The following DAB1 variants were observed in gnomAD, a reference collection of about 807,000 sequenced individuals.
DAB1 encodes the protein disabled homolog 1.
In DAB1, 15 loss-of-function variants were observed where a neutral mutation model predicts 64.6. The ratio of observed to expected loss-of-function variants is 0.23; its 90% CI spans 0.16 to 0.36. The LOEUF is 0.36. DAB1 is among the 10% of genes least tolerant of loss of function. The pLI, the probability that DAB1 is intolerant of heterozygous loss-of-function variation, is 1.00. For missense variants in DAB1, 596 were observed against 706.7 expected (o/e 0.84, Z 1.78); for synonymous variants, 235 against 251.9 (o/e 0.93, Z 0.64).
intron 7 of DAB1, among the ~76,000 whole-genome samples, chr1:57,540,663 C>T (rs532183897): frequency 6.6e-6 from 1 of 152,296 alleles, no homozygotes; most frequent in Admixed American, 6.5e-5. Flanking sequence ...TCATTTGCAG[C>T]AACATGAGTG....
chr1:58,208,060 C>T (rs1442616303), intron 4 of DAB1, among the ~76,000 whole-genome samples: 5 of 151,732 alleles, frequency 3.3e-5, no homozygotes, highest in Non-Finnish European at 7.4e-5. Context: ...AAGTCCCTTA[C>T]AAAACCATGA....
At chr1:57,633,340 A>G (rs1244862941) in intron 7 of DAB1, among the ~76,000 whole-genome samples, 2 of 152,204 alleles carry the variant, frequency 1.3e-5, no homozygotes, top group Non-Finnish European at 2.9e-5. Context: ...AGGGTTTCTG[A>G]TTAAGTGGCT....
At position 56,995,497 on chromosome 1, in the gene DAB1, T is replaced by C. The variant is rs1308088914; in HGVS notation, c.*2647A>G. ...ATGCATCACTTGGGCATCTATCTTC[T>C]TGAAGTTCAGAGCCAGTTACATTTT... On this transcript the variant is annotated 3_prime_UTR_variant, in exon 15 of 15. Transcript: ENST00000371236. The C allele has an allele frequency of 6.6e-6, 1 of 152,230 alleles. No homozygotes were observed. The highest frequency in any genetic ancestry group is 1.5e-5 in the Non-Finnish European group (1 of 68,046). 9.4% of individuals were successfully genotyped at this position (152,230 alleles called of 1,614,324 possible).
At chr1:58,497,243 G>C (rs367686622) in intron 3 of DAB1, among the ~76,000 whole-genome samples, 2 of 152,116 alleles carry the variant, frequency 1.3e-5, no homozygotes, top group Admixed American at 6.5e-5. Context: ...AAAAGGGAGG[G>C]GGGTACTGTC....
In DAB1 at chr1:57,417,353, AT is replaced by A. The variant is rs370412643; in HGVS notation, c.-137+6576del. On this transcript the variant is annotated intron_variant, in intron 1 of 14. Coordinates refer to ENST00000371236, the MANE Select transcript of DAB1 (RefSeq NM_001365792.1). The stretch of plus-strand genomic sequence containing the variant: ...TAACGCCCACAAGCTTAGCATTCCA[AT>A]AAAGGAACACTAGGCATAAATGGGT... Among the ~76,000 whole-genome samples the A allele has an allele frequency of 1.7e-3, 261 of 152,314 alleles. 2 individuals carry two copies. The highest frequency in any genetic ancestry group is 6.0e-3 in the African/African-American group (249 of 41,580).
chr1:57,167,110 G>T (rs1227638618), intron 2 of DAB1, among the ~76,000 whole-genome samples: 1 of 152,152 alleles, frequency 6.6e-6, no homozygotes, highest in African/African-American at 2.4e-5. Context: ...TTGAGGCTGG[G>T]AATATAAGTC....
At chr1:57,554,641 GT>G (rs1644965635) in intron 7 of DAB1, among the ~76,000 whole-genome samples, 2 of 152,152 alleles carry the variant, frequency 1.3e-5, no homozygotes, top group African/African-American at 4.8e-5. Context: ...GAACAAAACT[GT>G]TTTCTTAAAT....
chr1:58,104,822 C>G (rs747774209), intron 5 of DAB1, among the ~76,000 whole-genome samples: 6 of 151,982 alleles, frequency 3.9e-5, no homozygotes, highest in Non-Finnish European at 5.9e-5. Flanking sequence ...TATTTTCATT[C>G]AAACTGTGAT....
chr1:58,185,947 C>T (rs532219041), intron 4 of DAB1, among the ~76,000 whole-genome samples: 7 of 152,288 alleles, frequency 4.6e-5, no homozygotes, highest in Admixed American at 3.3e-4. Context: ...TTTGCTTCAT[C>T]CAGTACCCAT....
chr1:57,147,452 G>C (rs1659255534), intron 2 of DAB1, among the ~76,000 whole-genome samples: 1 of 151,914 alleles, frequency 6.6e-6, no homozygotes, highest in Admixed American at 6.6e-5. Flanking sequence ...TTTTTTCCAT[G>C]ACACCCCTGC....
At chr1:57,052,310 G>A (rs529242078) in intron 9 of DAB1, among the ~76,000 whole-genome samples, 2 of 152,264 alleles carry the variant, frequency 1.3e-5, no homozygotes, top group South Asian at 4.1e-4. Context: ...CAAAGGCTGG[G>A]ATGTCATATC....
At chr1:57,596,591 G>A (rs1645513026) in intron 7 of DAB1, among the ~76,000 whole-genome samples, 1 of 152,038 alleles carries the variant, frequency 6.6e-6, no homozygotes, top group Non-Finnish European at 1.5e-5. Context: ...TGGGTGGACT[G>A]GGATGTGGTC....
At chr1:57,614,595 A>T (rs1266090867) in intron 7 of DAB1, among the ~76,000 whole-genome samples, 1 of 152,134 alleles carries the variant, frequency 6.6e-6, no homozygotes, top group African/African-American at 2.4e-5. Flanking sequence ...TTCTTTTGTG[A>T]TACAGTCTTC....
chr1:57,263,329 A>G (rs1413953942), intron 2 of DAB1, among the ~76,000 whole-genome samples: 1 of 152,122 alleles, frequency 6.6e-6, no homozygotes, highest in Non-Finnish European at 1.5e-5. Context: ...CATGCTGACC[A>G]GGCTGGTTTC....
chr1:58,489,559 T>A (rs533142332), intron 3 of DAB1, among the ~76,000 whole-genome samples: 2 of 152,316 alleles, frequency 1.3e-5, no homozygotes, highest in East Asian at 3.9e-4. Flanking sequence ...CTCTGCAGAC[T>A]TAAATGTCCC....
chr1:57,465,318 T>C (rs899337087), intron 7 of DAB1, among the ~76,000 whole-genome samples: 1 of 152,232 alleles, frequency 6.6e-6, no homozygotes, highest in Non-Finnish European at 1.5e-5. Context: ...TATTATATTC[T>C]TAATGTAGTT....
intron 4 of DAB1, among the ~76,000 whole-genome samples, chr1:58,314,928 A>G (rs1053593230): frequency 3.3e-5 from 5 of 152,328 alleles, no homozygotes; most frequent in African/African-American, 1.2e-4. Context: ...GGATGAGAAA[A>G]CTTAGAAGGT....
intron 5 of DAB1, among the ~76,000 whole-genome samples, chr1:58,120,229 A>G (rs1184431836): frequency 2.0e-5 from 3 of 152,076 alleles, no homozygotes; most frequent in African/African-American, 4.8e-5. Context: ...TATCCCTTCA[A>G]AAGGTTTTGG....
rs145963402 is a variant in DAB1 at position 58,451,281 on chromosome 1, G to A, written n.257+54779C>T. 2.2e-3 allele frequency among the ~76,000 whole-genome samples: 334 copies of A among 152,112 alleles called. 3 individuals are homozygous for A. The highest frequency in any genetic ancestry group is 7.7e-3 in the African/African-American group (318 of 41,490). On this transcript the variant is annotated intron_variant and non_coding_transcript_variant, in intron 3 of 20. Transcript: ENST00000485760. ...TTTTTTATTTTGATTTTTTGTAGAG[G>A]CAAGGTCTCACTGTTTGCCCAGGCT...
Sources: gnomAD v4.1 joint callset for allele counts (sites outside exome capture counted in the v4.1 genomes callset) on GRCh38, gnomAD v4.1.1 for gene constraint, MANE v1.5 for transcripts, NCBI Gene and HGNC (gene_info 2026-07-23, HGNC 2026-07-21) for gene names.